Variants in SPPL2A observed in about 807,000 individuals in gnomAD.
The protein encoded by SPPL2A is signal peptide peptidase-like 2A.
In SPPL2A, 51 loss-of-function variants were observed where a neutral mutation model predicts 63.8. The ratio of observed to expected loss-of-function variants is 0.80; its 90% CI spans 0.64 to 1.01. The LOEUF (loss-of-function observed/expected upper bound fraction) is 1.01. Ranked by LOEUF, SPPL2A falls within the 50% of genes least tolerant of loss-of-function variation. SPPL2A has a pLI of 0.00. For synonymous variants in SPPL2A, 188 were observed against 205.8 expected (o/e 0.91, Z 0.74); for missense variants, 553 against 622.7 (o/e 0.89, Z 1.19).
At chr15:50,757,864 A>C (rs2062973821) in intron 1 of SPPL2A, among the ~76,000 whole-genome samples, 1 of 151,564 alleles carries the variant, frequency 6.6e-6, no homozygotes, top group Non-Finnish European at 1.5e-5. Flanking sequence ...GGCGCCTATA[A>C]TCCCAGCTAC....
Position 50,748,813 on chromosome 15 carries a change from G to C in SPPL2A, c.235C>G (p.Pro79Ala), listed in dbSNP as rs775631091. 1.9e-6 allele frequency: 3 copies of C among 1,611,158 alleles called. No individual in the cohort carries two copies. The South Asian group carries it at 3.3e-5, about 18-fold the overall frequency. ...GCTTTGCTCTTTATGCCAACAGGAG[G>C]AATATCAGAAAGGTTGCATAGTGGT... is the stretch of plus-strand genomic sequence containing the variant. ...STPLCNLSDI[P>A]PVGIKSKAVV... Residue 79 changes from proline (P) to alanine (A), a missense_variant, in exon 3 of 15, where the codon CCT becomes GCT. By Grantham distance (27) the Pro-to-Ala change is conservative. Transcript: ENST00000261854.
chr15:50,754,072 C>G (rs1446375533), intron 1 of SPPL2A, among the ~76,000 whole-genome samples: 1 of 152,212 alleles, frequency 6.6e-6, no homozygotes, highest in Admixed American at 6.5e-5. Context: ...GCTGGGATTA[C>G]AGGCGTGAGC....
At chr15:50,736,513 T>G (rs2062772428) in intron 7 of SPPL2A, 131 bp downstream of exon 7, 1 of 547,406 alleles carries the variant, frequency 1.8e-6, no homozygotes, top group East Asian at 3.0e-5. Context: ...TAATTTTACT[T>G]AAATTTAAAT....
chr15:50,713,081 G>A (rs62018763), intron 14 of SPPL2A, among the ~76,000 whole-genome samples: 4,323 of 152,180 alleles, frequency 0.028, 76 homozygotes, highest in Middle Eastern at 0.1. Context: ...CGTCAGAACT[G>A]ATGTCAAAGG....
intron 10 of SPPL2A, among the ~76,000 whole-genome samples, chr15:50,729,632 A>G (rs1338626708): frequency 6.6e-6 from 1 of 152,138 alleles, no homozygotes; most frequent in African/African-American, 2.4e-5. Context: ...AAGAAGAGGA[A>G]AAAACCAAAA....
chr15:50,740,598 G>A (rs983304201), intron 5 of SPPL2A, among the ~76,000 whole-genome samples: 10 of 151,324 alleles, frequency 6.6e-5, no homozygotes, highest in African/African-American at 2.4e-4. Flanking sequence ...AGATAGTAAA[G>A]TACTTCTAAA....
intron 14 of SPPL2A, 47 bp from the exon 15 acceptor site, chr15:50,707,921 C>A: frequency 4.2e-6 from 4 of 961,972 alleles, no homozygotes; most frequent in Non-Finnish European, 6.8e-6. Context: ...TTCAACTTGC[C>A]CCCAATATTC....
intron 14 of SPPL2A, among the ~76,000 whole-genome samples, chr15:50,717,218 C>T (rs1052025834): frequency 6.6e-6 from 1 of 151,980 alleles, no homozygotes; most frequent in African/African-American, 2.4e-5. Context: ...CTCTGTTGCC[C>T]GGGCTGAGTG....
At chr15:50,760,271 T>A (rs1011501590) in intron 1 of SPPL2A, among the ~76,000 whole-genome samples, 5 of 145,174 alleles carry the variant, frequency 3.4e-5, no homozygotes, top group African/African-American at 1.0e-4. Context: ...TTTTTTTTTT[T>A]ATTTCCCCCA....
chr15:50,720,317 C>T (rs146712557), intron 13 of SPPL2A, among the ~76,000 whole-genome samples: 2 of 152,164 alleles, frequency 1.3e-5, no homozygotes, highest in East Asian at 3.9e-4. Context: ...TTATTACTAA[C>T]CTAACCATGT....
chr15:50,734,171 A>G (rs1266818130), intron 8 of SPPL2A, among the ~76,000 whole-genome samples: 1 of 152,200 alleles, frequency 6.6e-6, no homozygotes, highest in African/African-American at 2.4e-5. Context: ...GGAACTCAGT[A>G]TATCAAAGAG....
chr15:50,710,105 C>G (rs1203463318), intron 14 of SPPL2A, among the ~76,000 whole-genome samples: 1 of 152,158 alleles, frequency 6.6e-6, no homozygotes, highest in African/African-American at 2.4e-5. Flanking sequence ...AGTTCTGGGT[C>G]TAAGAGATTA....
intron 6 of SPPL2A, among the ~76,000 whole-genome samples, chr15:50,738,661 G>A (rs1201580575): frequency 6.6e-6 from 1 of 152,000 alleles, no homozygotes; most frequent in African/African-American, 2.4e-5. Flanking sequence ...GTTCTTAAAA[G>A]GGCTTTTTGC....
intron 11 of SPPL2A, 199 bp downstream of exon 11, chr15:50,726,122 T>C (rs775200512): frequency 5.5e-5 from 83 of 1,516,350 alleles, no homozygotes; most frequent in Non-Finnish European, 6.9e-5. Context: ...CAAGTTTCCA[T>C]CATTCTAGGA....
chr15:50,761,470 G>C (rs1189525889), intron 1 of SPPL2A, among the ~76,000 whole-genome samples: 11 of 152,200 alleles, frequency 7.2e-5, no homozygotes, highest in Non-Finnish European at 7.4e-5. Context: ...TACAAAATTA[G>C]CTGGGCGTGG....
At position 50,739,660 on chromosome 15, in the gene SPPL2A, C is replaced by T. The variant is rs2141043172; in HGVS notation, c.733+20G>A. The T allele has an allele frequency of 6.6e-7, 1 of 1,519,062 alleles. No individual in the cohort carries two copies. The highest frequency in any genetic ancestry group is 2.2e-5 in the Admixed American group (1 of 46,300). 94.1% of individuals were successfully genotyped at this position (1,519,062 alleles called of 1,614,324 possible). ...AAGAATGTATGTTAACAGTAGCAAA[C>T]ATAAAATATGACTTCTTACCCAACC... is the stretch of plus-strand genomic sequence containing the variant. On this transcript the variant is annotated intron_variant, in intron 6 of 14. Transcript: ENST00000261854.
chr15:50,764,366 C>T (rs2063039741), intron 1 of SPPL2A: 1 of 152,170 alleles, frequency 6.6e-6, no homozygotes, highest in African/African-American at 2.4e-5. Context: ...TCCCCTCCCC[C>T]AGCAATTTTT....
chr15:50,753,653 T>A (rs568845174), intron 1 of SPPL2A, among the ~76,000 whole-genome samples: 26 of 152,318 alleles, frequency 1.7e-4, no homozygotes, highest in African/African-American at 6.0e-4. Flanking sequence ...AATCTCTTAA[T>A]AAATATATCT....
rs1596371580 is a variant in SPPL2A at position 50,706,251 on chromosome 15, G to A, written c.*1549C>T. ...CTAAAACTACAAAAAATAGCCGGGC[G>A]TAGTGGCGGGCGCCTGTAGTCCTAG... is the stretch of plus-strand genomic sequence containing the variant. On this transcript the variant is annotated 3_prime_UTR_variant, in exon 15 of 15. Coordinates refer to ENST00000261854, the MANE Select transcript of SPPL2A (RefSeq NM_032802.4). The A allele has an allele frequency of 6.6e-6, 1 of 151,038 alleles. No individual in the cohort carries two copies. The allele number at this position is 151,038 out of a possible 1,614,324, so 9.4% of individuals were successfully genotyped here. A position where few individuals can be genotyped will look rare whatever the true frequency, so the allele number is the denominator to read the frequency against.
Sources: allele counts gnomAD v4.1 joint callset (sites outside exome capture counted in the v4.1 genomes callset), GRCh38; gene constraint gnomAD v4.1.1; transcripts MANE v1.5; gene names NCBI Gene and HGNC (gene_info 2026-07-23, HGNC 2026-07-21).